Variants in MAP3K3 observed in about 807,000 individuals in gnomAD.
The protein encoded by MAP3K3 is MAP/ERK kinase kinase 3.
In MAP3K3, 12 loss-of-function variants were observed where a neutral mutation model predicts 80.9. That is an observed-to-expected ratio of 0.15 (90% CI 0.10 to 0.24). MAP3K3 has a LOEUF of 0.24. Among genes scored for constraint, MAP3K3 ranks in the 10% least tolerant of loss-of-function variants. MAP3K3 has a pLI of 1.00. For missense variants in MAP3K3, 596 were observed against 834.7 expected (o/e 0.71, Z 3.52); for synonymous variants, 272 against 307.1 (o/e 0.89, Z 1.19).
chr17:63,671,279 C>T (rs1435342123), intron 6 of MAP3K3, among the ~76,000 whole-genome samples: 12 of 144,264 alleles, frequency 8.3e-5, no homozygotes, highest in Admixed American at 1.4e-4. Context: ...TTTTTTGTGA[C>T]GGAGTCTTGC....
chr17:63,677,201 T>A (rs1179086405), intron 6 of MAP3K3, among the ~76,000 whole-genome samples: 2 of 152,218 alleles, frequency 1.3e-5, no homozygotes, highest in Admixed American at 6.5e-5. Flanking sequence ...TTAGATCATT[T>A]AGCTAATGAG....
intron 2 of MAP3K3, among the ~76,000 whole-genome samples, chr17:63,642,902 C>T (rs1208978086): frequency 1.3e-5 from 2 of 151,656 alleles, no homozygotes; most frequent in African/African-American, 2.4e-5. Context: ...AGACTACAGG[C>T]GTGTGCCACC....
intron 2 of MAP3K3, among the ~76,000 whole-genome samples, chr17:63,641,974 G>A (rs1242495840): frequency 3.3e-5 from 5 of 152,202 alleles, no homozygotes; most frequent in Non-Finnish European, 5.9e-5. Context: ...AGTGTGAAAT[G>A]CCTCAGAGAG....
intron 4 of MAP3K3, among the ~76,000 whole-genome samples, chr17:63,654,816 T>G (rs1367925822): frequency 6.6e-6 from 1 of 152,066 alleles, no homozygotes; most frequent in Non-Finnish European, 1.5e-5. Context: ...GGCGGGCAGA[T>G]CACGAGGTCA....
At chr17:63,634,948 A>G (rs746707247) in intron 2 of MAP3K3, 3 of 706,600 alleles carry the variant, frequency 4.2e-6, no homozygotes, top group East Asian at 5.3e-5. Context: ...CAGTGCTTCT[A>G]GTCACCATTT....
intron 5 of MAP3K3, among the ~76,000 whole-genome samples, chr17:63,658,859 C>G (rs926030462): frequency 2.6e-5 from 4 of 151,748 alleles, no homozygotes; most frequent in Non-Finnish European, 5.9e-5. Flanking sequence ...TTCAGCCTCT[C>G]GAGTAGCTGG....
At chr17:63,655,734 G>T (rs1468472369) in intron 4 of MAP3K3, among the ~76,000 whole-genome samples, 1 of 151,926 alleles carries the variant, frequency 6.6e-6, no homozygotes, top group East Asian at 1.9e-4. Flanking sequence ...CCTCAAGTGA[G>T]CCTCCCGCCA....
In MAP3K3 at chr17:63,667,886, A is replaced by G. The variant is rs985673933; in HGVS notation, c.502+826A>G. Among the ~76,000 whole-genome samples the G allele has an allele frequency of 3.3e-5, 5 of 152,186 alleles. 1 individual carries two copies. In the South Asian group the frequency reaches 1.0e-3, roughly 31 times the overall value. The stretch of plus-strand genomic sequence containing the variant: ...CTATATATACAACCCTCTGCTAACT[A>G]GTCAGAAAGCTCTGTGGCTGCTACC... On this transcript the variant is annotated intron_variant, in intron 6 of 15. Coordinates refer to ENST00000361733, the MANE Select transcript of MAP3K3 (RefSeq NM_002401.5).
At chr17:63,666,792 T>A in intron 5 of MAP3K3, 148 bp from the exon 6 acceptor site, 1 of 769,914 alleles carries the variant, frequency 1.3e-6, no homozygotes, top group Non-Finnish European at 2.1e-6. Flanking sequence ...AATAGAAGAG[T>A]GAGATTTGGG....
intron 2 of MAP3K3, chr17:63,634,926 G>A (rs986218663): frequency 2.3e-5 from 19 of 819,436 alleles, no homozygotes; most frequent in Non-Finnish European, 3.1e-5. Context: ...TTGGTTACCC[G>A]TGACCTGTGT....
chr17:63,638,842 CGTG>C (rs567436040), intron 2 of MAP3K3, among the ~76,000 whole-genome samples: 142 of 152,212 alleles, frequency 9.3e-4, no homozygotes, highest in Non-Finnish European at 1.8e-3. Context: ...GCCTGGCCAA[CGTG>C]GTGAAACCCT....
chr17:63,655,102 G>A (rs1230491922), intron 4 of MAP3K3, among the ~76,000 whole-genome samples: 2 of 152,136 alleles, frequency 1.3e-5, no homozygotes, highest in African/African-American at 4.8e-5. Flanking sequence ...TTGACTCACA[G>A]TTCAGCATGG....
intron 11 of MAP3K3, 101 bp from the exon 12 acceptor site, chr17:63,690,163 G>C (rs2035554211): frequency 7.4e-7 from 1 of 1,352,576 alleles, no homozygotes; most frequent in Non-Finnish European, 1.0e-6. Context: ...ATGGGTGCTG[G>C]GTGAGGGGGA....
chr17:63,690,247 C>G lies in MAP3K3; in HGVS notation c.1064-17C>G. 2 of 1,609,596 alleles carry G rather than the reference C, an allele frequency of 1.2e-6. No individual in the cohort carries two copies. Among genetic ancestry groups the G allele is most frequent in the Non-Finnish European group, 1.7e-6 (2 of 1,178,320 alleles). On this transcript the variant is annotated splice_polypyrimidine_tract_variant and intron_variant, in intron 11 of 15. Coordinates refer to ENST00000361733, the MANE Select transcript of MAP3K3 (RefSeq NM_002401.5). ...ATAATGTACACAAAGTAACTCTTTC[C>G]TTCTGCTCTCCTGTAGCTCCCAGTG...
rs567628552 is a variant in MAP3K3, at chr17:63,678,697, CAT to C, written c.503-3066_503-3065del. On this transcript the variant is annotated intron_variant, in intron 6 of 15. Transcript: ENST00000361733. Reference sequence around the variant, plus strand: ...ATGTATTCAGCACAACCACATGAACCATATGTTCTGAACAACTGACTTAATAT... The same window carrying C: ...ATGTATTCAGCACAACCACATGAACCATGTTCTGAACAACTGACTTAATAT... Among the ~76,000 whole-genome samples, 17 of 152,300 alleles carry C rather than the reference CAT, an allele frequency of 1.1e-4. No homozygotes were observed. In the East Asian group the frequency reaches 3.3e-3, roughly 29 times the overall value.
chr17:63,648,387 G>T (rs942536922), intron 3 of MAP3K3, among the ~76,000 whole-genome samples: 2 of 152,150 alleles, frequency 1.3e-5, no homozygotes, highest in African/African-American at 4.8e-5. Context: ...CCTTGAAGAA[G>T]GAGGGGTATG....
intron 6 of MAP3K3, among the ~76,000 whole-genome samples, chr17:63,671,866 G>T (rs954725265): frequency 3.3e-5 from 5 of 152,072 alleles, no homozygotes; most frequent in African/African-American, 1.2e-4. Context: ...AAAGGCTTAA[G>T]AATTACTATA....
chr17:63,629,281 C>T (rs754910847), intron 1 of MAP3K3, among the ~76,000 whole-genome samples: 8 of 152,068 alleles, frequency 5.3e-5, no homozygotes, highest in East Asian at 1.9e-4. Flanking sequence ...CACCACCACG[C>T]GCAGTTAATT....
At chr17:63,631,567 A>G (rs1435733344) in intron 1 of MAP3K3, among the ~76,000 whole-genome samples, 2 of 152,156 alleles carry the variant, frequency 1.3e-5, no homozygotes, top group South Asian at 2.1e-4. Context: ...TTCATTTTCA[A>G]TCTCCAAATG....
Sources: gnomAD v4.1 joint callset for allele counts (sites outside exome capture counted in the v4.1 genomes callset) on GRCh38, gnomAD v4.1.1 for gene constraint, MANE v1.5 for transcripts, NCBI Gene and HGNC (gene_info 2026-07-23, HGNC 2026-07-21) for gene names.